Variants in APBA1 observed in about 807,000 individuals in gnomAD.
APBA1 encodes the protein amyloid beta precursor protein binding family A member 1, also known as amyloid-beta A4 precursor protein-binding family A member 1.
A neutral mutation model predicts 86.6 loss-of-function variants in APBA1; 55 were observed. The observed-to-expected ratio is 0.64, with a 90% CI of 0.51 to 0.80. APBA1 has a LOEUF of 0.80. Among genes scored for constraint, APBA1 ranks in the 30% least tolerant of loss-of-function variants. The pLI, the probability that APBA1 is intolerant of heterozygous loss-of-function variation, is 0.00. For missense variants in APBA1, 1,090 were observed against 1,183.0 expected, an observed-to-expected ratio of 0.92 and a Z score of 1.15; for synonymous variants, 511 against 493.9, an observed-to-expected ratio of 1.03 and a Z score of -0.46.
At chr9:69,645,835 T>C (rs900516612) in intron 1 of APBA1, among the ~76,000 whole-genome samples, 3 of 152,186 alleles carry the variant, frequency 2.0e-5, no homozygotes, top group Non-Finnish European at 4.4e-5. Flanking sequence ...GGTTTGGTGT[T>C]GGGTGCTGCT....
intron 1 of APBA1, among the ~76,000 whole-genome samples, chr9:69,532,893 C>T (rs1836454732): frequency 6.6e-6 from 1 of 152,148 alleles, no homozygotes; most frequent in Non-Finnish European, 1.5e-5. Context: ...AAAATTACCA[C>T]TCAGAGGAAT....
chr9:69,561,079 A>G (rs1298945840), intron 1 of APBA1, among the ~76,000 whole-genome samples: 1 of 152,204 alleles, frequency 6.6e-6, no homozygotes, highest in Non-Finnish European at 1.5e-5. Context: ...TACAAATACC[A>G]CTTTACAAAA....
At chr9:69,533,596 A>G (rs188445516) in intron 1 of APBA1, among the ~76,000 whole-genome samples, 4 of 152,294 alleles carry the variant, frequency 2.6e-5, no homozygotes. Flanking sequence ...ACTTCTGTTT[A>G]CTTTAAGCCT....
intron 1 of APBA1, among the ~76,000 whole-genome samples, chr9:69,612,673 T>A (rs1822613254): frequency 6.6e-6 from 1 of 152,020 alleles, no homozygotes; most frequent in Non-Finnish European, 1.5e-5. Flanking sequence ...AAAATTCTAA[T>A]TAACATAAAA....
intron 1 of APBA1, among the ~76,000 whole-genome samples, chr9:69,658,326 C>CTT (rs1564105115): frequency 6.8e-5 from 9 of 132,276 alleles, no homozygotes; most frequent in East Asian, 2.1e-4. Flanking sequence ...TTCTTTCTTT[C>CTT]TTTCTTTCTT....
intron 10 of APBA1, 33 bp from the exon 11 acceptor site, chr9:69,441,148 G>A (rs752540732): frequency 1.9e-6 from 3 of 1,596,666 alleles, no homozygotes; most frequent in Non-Finnish European, 1.7e-6. Flanking sequence ...TGGGTATGGT[G>A]ACCACTGAGG....
intron 1 of APBA1, among the ~76,000 whole-genome samples, chr9:69,558,708 C>T (rs1055777290): frequency 1.3e-5 from 2 of 152,008 alleles, no homozygotes; most frequent in African/African-American, 4.8e-5. Context: ...ATGCCTAGTA[C>T]CCAATAGTTA....
At chr9:69,463,791 C>G (rs1835231110) in intron 5 of APBA1, 2 of 152,230 alleles carry the variant, frequency 1.3e-5, no homozygotes, top group Admixed American at 1.3e-4. Context: ...AGGAAACTAC[C>G]CCCACCTTTG....
intron 1 of APBA1, among the ~76,000 whole-genome samples, chr9:69,634,960 A>G (rs1282707825): frequency 1.3e-5 from 2 of 152,218 alleles, no homozygotes; most frequent in African/African-American, 4.8e-5. Context: ...GGCCTATCCT[A>G]TAAGAAATGA....
At chr9:69,477,111 G>A (rs577143832) in intron 2 of APBA1, among the ~76,000 whole-genome samples, 37 of 152,298 alleles carry the variant, frequency 2.4e-4, no homozygotes, top group South Asian at 1.5e-3. Context: ...AGCAGGGGGC[G>A]GCGGAGCCAA....
At position 69,456,578 on chromosome 9, in the gene APBA1, G is replaced by A. The variant is rs183303717; in HGVS notation, c.1603-146C>T. The A allele has an allele frequency of 2.8e-5, 22 of 780,634 alleles. No individual in the cohort carries two copies. In the East Asian group the frequency reaches 3.5e-4, roughly 12 times the overall value. The allele number at this position is 780,634 out of a possible 1,614,324, so 48.4% of individuals were successfully genotyped here. ...GCAAAGCCCATGCTGAGGGATCAAC[G>A]GATACCCACCCAGGCCGGAGGGCAT... On this transcript the variant is annotated intron_variant, in intron 7 of 12. Transcript: ENST00000265381.
In APBA1 at chr9:69,603,392, G is replaced by C. The variant is rs568513378; in HGVS notation, c.-70+68761C>G. Among the ~76,000 whole-genome samples the C allele has an allele frequency of 3.2e-4, 49 of 152,294 alleles. No individual in the cohort carries two copies. The South Asian group carries it at 9.7e-3, about 30-fold the overall frequency. Reference sequence around the variant, plus strand: ...AAATCTTAGAAGCTCACTGTAACAGGCTTTGCAGGCTTTGACCTCTTGGAT... The same window carrying C: ...AAATCTTAGAAGCTCACTGTAACAGCCTTTGCAGGCTTTGACCTCTTGGAT... On this transcript the variant is annotated intron_variant, in intron 1 of 12. Coordinates refer to ENST00000265381, the MANE Select transcript of APBA1 (RefSeq NM_001163.4).
At chr9:69,503,114 T>C (rs1205355631) in intron 2 of APBA1, among the ~76,000 whole-genome samples, 1 of 152,130 alleles carries the variant, frequency 6.6e-6, no homozygotes, top group Non-Finnish European at 1.5e-5. Flanking sequence ...AGTTGTTTCT[T>C]AGAAATTGTG....
In APBA1 at chr9:69,517,271, T is replaced by G; in HGVS notation, c.-61A>C. On this transcript the variant is annotated 5_prime_UTR_variant, in exon 2 of 13. Coordinates refer to ENST00000265381, the MANE Select transcript of APBA1 (RefSeq NM_001163.4). ...CCGGCTCACTGCGCTCTCATTTTGC[T>G]CCACTGGGCTGGAAAAACAAGAAGG... is the stretch of plus-strand genomic sequence containing the variant. The G allele has an allele frequency of 7.1e-7, 1 of 1,410,442 alleles. No homozygotes were observed. Among genetic ancestry groups the G allele is most frequent in the Non-Finnish European group, 9.2e-7 (1 of 1,085,782 alleles). The allele number at this position is 1,410,442 out of a possible 1,614,324, so 87.4% of individuals were successfully genotyped here. A position where few individuals can be genotyped will look rare whatever the true frequency, so the allele number is the denominator to read the frequency against.
At chr9:69,559,373 T>A (rs1041613171) in intron 1 of APBA1, among the ~76,000 whole-genome samples, 2 of 152,136 alleles carry the variant, frequency 1.3e-5, no homozygotes, top group Non-Finnish European at 2.9e-5. Flanking sequence ...AACATTTCCA[T>A]CACACTCTCA....
At chr9:69,440,341 T>C (rs1834794592) in intron 11 of APBA1, among the ~76,000 whole-genome samples, 2 of 152,270 alleles carry the variant, frequency 1.3e-5, no homozygotes, top group East Asian at 1.9e-4. Flanking sequence ...TCTGTAGAGG[T>C]TACTGCTGCC....
At chr9:69,599,241 C>T (rs1822299922) in intron 1 of APBA1, among the ~76,000 whole-genome samples, 1 of 152,144 alleles carries the variant, frequency 6.6e-6, no homozygotes, top group African/African-American at 2.4e-5. Flanking sequence ...AAAAACTAGT[C>T]TAAATTTTAA....
chr9:69,657,029 T>C (rs915596654), intron 1 of APBA1, among the ~76,000 whole-genome samples: 18 of 151,868 alleles, frequency 1.2e-4, no homozygotes, highest in African/African-American at 4.4e-4. Context: ...GTATTTTTAG[T>C]AGAGACGGGG....
rs1834548050 is a variant in APBA1 at position 69,429,357 on chromosome 9, G to C, written c.*1970C>G. ...CTCACGTTTGTGATGGGTTGACCTT[G>C]AGGCTGGTCTCCCAGAAACATTCTG... On this transcript the variant is annotated 3_prime_UTR_variant, in exon 13 of 13. Transcript: ENST00000265381. 6.6e-6 allele frequency: 1 copy of C among 152,250 alleles called. No homozygotes were observed. Among genetic ancestry groups the C allele is most frequent in the Non-Finnish European group, 1.5e-5 (1 of 68,068 alleles). 9.4% of individuals were successfully genotyped at this position (152,250 alleles called of 1,614,324 possible).
Sources: gnomAD v4.1 joint callset for allele counts (sites outside exome capture counted in the v4.1 genomes callset) on GRCh38, gnomAD v4.1.1 for gene constraint, MANE v1.5 for transcripts, NCBI Gene and HGNC (gene_info 2026-07-23, HGNC 2026-07-21) for gene names.